Variants in CACNA1A observed in about 807,000 individuals in gnomAD.
The protein encoded by CACNA1A is voltage-dependent P/Q-type calcium channel subunit alpha-1A.
In CACNA1A, 57 loss-of-function variants were observed where a neutral mutation model predicts 262.4. That is an observed-to-expected ratio of 0.22 (90% CI 0.18 to 0.27). CACNA1A has a LOEUF of 0.27. CACNA1A is among the 10% of genes least tolerant of loss of function. CACNA1A has a pLI of 1.00. For synonymous variants in CACNA1A, 1,431 were observed against 1,419.3 expected (o/e 1.01, Z -0.18); for missense variants, 2,526 against 3,562.8 (o/e 0.71, Z 7.41).
At chr19:13,478,702 G>C (rs775682613) in intron 1 of CACNA1A, among the ~76,000 whole-genome samples, 1 of 152,178 alleles carries the variant, frequency 6.6e-6, no homozygotes, top group Admixed American at 6.5e-5. Flanking sequence ...TGGCCCAAAC[G>C]AGAATCAACA....
intron 3 of CACNA1A, among the ~76,000 whole-genome samples, chr19:13,419,021 A>C (rs1599413200): frequency 1.3e-5 from 2 of 151,970 alleles, no homozygotes; most frequent in South Asian, 4.2e-4. Context: ...AGCCTCCCGA[A>C]TAGCTGGGAT....
At chr19:13,445,887 A>G (rs1056450930) in intron 3 of CACNA1A, among the ~76,000 whole-genome samples, 11 of 152,248 alleles carry the variant, frequency 7.2e-5, no homozygotes, top group Non-Finnish European at 1.5e-5. Flanking sequence ...TCACCCAAGA[A>G]GAAGGTAAAC....
intron 12 of CACNA1A, among the ~76,000 whole-genome samples, chr19:13,309,549 C>T (rs2057975038): frequency 6.6e-6 from 1 of 150,820 alleles, no homozygotes; most frequent in Non-Finnish European, 1.5e-5. Context: ...AAAAATTAGT[C>T]AAGCATGGTG....
At chr19:13,501,393 C>A (rs780037463) in intron 1 of CACNA1A, among the ~76,000 whole-genome samples, 3 of 152,018 alleles carry the variant, frequency 2.0e-5, no homozygotes, top group Non-Finnish European at 2.9e-5. Flanking sequence ...CCAGGCTGGT[C>A]TCGAACTCCT....
Position 13,277,183 on chromosome 19 carries a change from C to A in CACNA1A, c.3823-55G>T, listed in dbSNP as rs528415352. 160 of 1,259,002 alleles carry A rather than the reference C, an allele frequency of 1.3e-4. No individual in the cohort carries two copies. The African/African-American group carries it at 1.8e-3, about 14-fold the overall frequency. 78.0% of individuals were successfully genotyped at this position (1,259,002 alleles called of 1,614,324 possible). A position where few individuals can be genotyped will look rare whatever the true frequency, so the allele number is the denominator to read the frequency against. ...GATCACTGGCCTGTTCCAGCAGAGCCCCGGTAAAACTAACGATCGCCTACT... is the reference window on the plus strand; with the variant it reads ...GATCACTGGCCTGTTCCAGCAGAGCACCGGTAAAACTAACGATCGCCTACT... On this transcript the variant is annotated intron_variant, in intron 22 of 46. Transcript: ENST00000360228.
At chr19:13,249,091 A>G (rs2056328269) in intron 30 of CACNA1A, among the ~76,000 whole-genome samples, 1 of 152,010 alleles carries the variant, frequency 6.6e-6, no homozygotes, top group South Asian at 2.1e-4. Context: ...GCCTTCGCCT[A>G]AGTAGTTAGG....
intron 3 of CACNA1A, among the ~76,000 whole-genome samples, chr19:13,384,529 C>G (rs918340374): frequency 3.9e-5 from 6 of 152,202 alleles, no homozygotes; most frequent in Admixed American, 3.3e-4. Context: ...AAAACTCCGT[C>G]TCTACCAAAA....
At chr19:13,322,201 A>AC (rs1568532847) in intron 10 of CACNA1A, among the ~76,000 whole-genome samples, 4 of 114,708 alleles carry the variant, frequency 3.5e-5, no homozygotes, top group African/African-American at 7.9e-5. Flanking sequence ...GACTTGTCTC[A>AC]GAAAAAAAAA....
In CACNA1A at chr19:13,261,296, C is replaced by G. The variant is rs941009597; in HGVS notation, c.4250+154G>C. 10 of 630,650 alleles carry G rather than the reference C, an allele frequency of 1.6e-5. No individual in the cohort carries two copies. In the African/African-American group the frequency reaches 1.8e-4, roughly 12 times the overall value. 39.1% of individuals were successfully genotyped at this position (630,650 alleles called of 1,614,324 possible). A position where few individuals can be genotyped will look rare whatever the true frequency, so the allele number is the denominator to read the frequency against. On this transcript the variant is annotated intron_variant, in intron 26 of 46. Transcript: ENST00000360228. ...TGACTCAAATTCTAAAACCGGTTTT[C>G]TTTCTACCCAAGATCCAAGCTGGTT...
At chr19:13,380,411 C>A (rs1267437162) in intron 3 of CACNA1A, among the ~76,000 whole-genome samples, 1 of 151,056 alleles carries the variant, frequency 6.6e-6, no homozygotes, top group Non-Finnish European at 1.5e-5. Flanking sequence ...TTTGGGAGGC[C>A]GACGCAGGCA....
intron 4 of CACNA1A, among the ~76,000 whole-genome samples, chr19:13,367,049 C>T (rs1327650184): frequency 6.6e-6 from 1 of 152,168 alleles, no homozygotes; most frequent in Non-Finnish European, 1.5e-5. Flanking sequence ...AATCCCAGCA[C>T]TTTGGGAAGC....
chr19:13,252,285 G>T (rs1291291797), intron 30 of CACNA1A, among the ~76,000 whole-genome samples: 1 of 151,864 alleles, frequency 6.6e-6, no homozygotes, highest in African/African-American at 2.4e-5. Flanking sequence ...TGCTGCCCAG[G>T]CTGGTTGAGA....
At chr19:13,244,897 T>A (rs944981253) in intron 31 of CACNA1A, 1 of 440,230 alleles carries the variant, frequency 2.3e-6, no homozygotes, top group South Asian at 4.0e-5. Flanking sequence ...GTTCCCTCAG[T>A]GTACTCATCT....
rs79139722 is a variant in CACNA1A at position 13,374,987 on chromosome 19, A to G, written c.540-3208T>C. 1.2e-3 allele frequency among the ~76,000 whole-genome samples: 182 copies of G among 152,210 alleles called. 1 individual carries two copies. The highest frequency in any genetic ancestry group is 4.3e-3 in the African/African-American group (179 of 41,532). On this transcript the variant is annotated intron_variant, in intron 3 of 46. Coordinates refer to ENST00000360228, the MANE Select transcript of CACNA1A (RefSeq NM_001127222.2). ...CACCGGCCGAGGAAGACTTCATTTCATTGTGCTTTGCTTTATTGCAATTTG... is the reference window on the plus strand; with the variant it reads ...CACCGGCCGAGGAAGACTTCATTTCGTTGTGCTTTGCTTTATTGCAATTTG...
chr19:13,498,153 G>C lies in CACNA1A; in HGVS notation c.293+7779C>G, dbSNP rs182214722. On this transcript the variant is annotated intron_variant, in intron 1 of 46. Transcript: ENST00000360228. Reference sequence around the variant, plus strand: ...CATTCTCAATAAAGAAGATAATAAAGATCATGGAGATAAAAGAACGTGACA... The same window carrying C: ...CATTCTCAATAAAGAAGATAATAAACATCATGGAGATAAAAGAACGTGACA... Among the ~76,000 whole-genome samples the C allele has an allele frequency of 4.6e-5, 7 of 152,068 alleles. No homozygotes were observed. In the East Asian group the frequency reaches 1.4e-3, roughly 29 times the overall value.
At chr19:13,496,079 TCCA>T in intron 1 of CACNA1A, among the ~76,000 whole-genome samples, 2 of 150,466 alleles carry the variant, frequency 1.3e-5, no homozygotes, top group South Asian at 4.2e-4. Flanking sequence ...CATCCATCCA[TCCA>T]TCCATCCACC....
At chr19:13,387,375 C>A (rs1426389060) in intron 3 of CACNA1A, among the ~76,000 whole-genome samples, 1 of 152,202 alleles carries the variant, frequency 6.6e-6, no homozygotes, top group Non-Finnish European at 1.5e-5. Context: ...ATTCTGAGAG[C>A]TCATTTTATG....
intron 10 of CACNA1A, among the ~76,000 whole-genome samples, chr19:13,319,570 A>G (rs903048088): frequency 2.0e-5 from 3 of 152,186 alleles, no homozygotes; most frequent in Non-Finnish European, 4.4e-5. Context: ...CAAGGAGGCC[A>G]CTTCCTATCA....
At chr19:13,300,725 T>C in intron 17 of CACNA1A, 69 bp from the exon 18 acceptor site, 1 of 1,249,808 alleles carries the variant, frequency 8.0e-7, no homozygotes, top group Non-Finnish European at 1.2e-6. Flanking sequence ...TCTGACCCTG[T>C]TGCTGACCAG....
Sources: allele counts gnomAD v4.1 joint callset (sites outside exome capture counted in the v4.1 genomes callset), GRCh38; gene constraint gnomAD v4.1.1; transcripts MANE v1.5; gene names NCBI Gene and HGNC (gene_info 2026-07-23, HGNC 2026-07-21).